FMN1: variants seen among roughly 807,000 people sequenced by gnomAD.
The protein encoded by FMN1 is formin 1.
A neutral mutation model predicts 132.4 loss-of-function variants in FMN1; 110 were observed. That is an observed-to-expected ratio of 0.83 (90% CI 0.71 to 0.97). The LOEUF (loss-of-function observed/expected upper bound fraction) is 0.97. FMN1 is among the 50% of genes least tolerant of loss of function. The pLI, the probability that FMN1 is intolerant of heterozygous loss-of-function variation, is 0.00. For missense variants in FMN1, 1,792 were observed against 1,705.3 expected, an observed-to-expected ratio of 1.05 and a Z score of -0.90; for synonymous variants, 722 against 651.7, an observed-to-expected ratio of 1.11 and a Z score of -1.64.
chr15:33,014,447 A>G (rs1182434056), intron 6 of FMN1, among the ~76,000 whole-genome samples: 1 of 152,216 alleles, frequency 6.6e-6, no homozygotes, highest in African/African-American at 2.4e-5. Flanking sequence ...AGGAACAGGA[A>G]TTCTACATCA....
chr15:33,024,151 A>G (rs2035554195), intron 6 of FMN1, among the ~76,000 whole-genome samples: 1 of 151,924 alleles, frequency 6.6e-6, no homozygotes, highest in South Asian at 2.1e-4. Context: ...AACATACAAA[A>G]AGACACAATC....
chr15:33,074,063 T>A (rs977322139), intron 5 of FMN1, among the ~76,000 whole-genome samples: 2 of 152,100 alleles, frequency 1.3e-5, no homozygotes, highest in Admixed American at 6.5e-5. Context: ...GATGAAGGCA[T>A]TTGAGGTCAA....
intron 4 of FMN1, among the ~76,000 whole-genome samples, chr15:33,120,717 T>C (rs547954926): frequency 2.0e-5 from 3 of 152,226 alleles, no homozygotes; most frequent in South Asian, 2.1e-4. Flanking sequence ...ATACCCATTT[T>C]ACAGACATAT....
chr15:32,811,930 T>G (rs1219803933), intron 17 of FMN1, among the ~76,000 whole-genome samples: 1 of 152,192 alleles, frequency 6.6e-6, no homozygotes, highest in Non-Finnish European at 1.5e-5. Context: ...ATTACAAGCA[T>G]GAGCCACCAC....
chr15:32,875,902 C>A (rs2059625653), intron 16 of FMN1, among the ~76,000 whole-genome samples: 1 of 152,202 alleles, frequency 6.6e-6, no homozygotes, highest in Non-Finnish European at 1.5e-5. Context: ...CAGTCAAGGA[C>A]CTGAGTTCTG....
chr15:33,172,875 AG>A (rs1251306096), intron 3 of FMN1, among the ~76,000 whole-genome samples: 1 of 152,260 alleles, frequency 6.6e-6, no homozygotes, highest in Non-Finnish European at 1.5e-5. Flanking sequence ...GTAATGTTGC[AG>A]AAAATATGAA....
At chr15:32,947,604 A>C (rs1370466734) in intron 9 of FMN1, among the ~76,000 whole-genome samples, 2 of 152,038 alleles carry the variant, frequency 1.3e-5, no homozygotes, top group African/African-American at 4.8e-5. Context: ...ATTTGGGAAA[A>C]ATTAACATCT....
rs116359038 is a variant in FMN1 at position 33,111,787 on chromosome 15, G to C, written c.1868-22813C>G. On this transcript the variant is annotated intron_variant, in intron 4 of 20. Coordinates refer to ENST00000616417, the MANE Select transcript of FMN1 (RefSeq NM_001277313.2). ...CTCAGTGATAACTTGGGCTGGACGG[G>C]GTTGTGGGAAAATGGTGAGTGACTT... Among the ~76,000 whole-genome samples, 1,462 of 152,256 alleles carry C rather than the reference G, an allele frequency of 9.6e-3. 9 individuals carry two copies. The highest frequency in any genetic ancestry group is 0.026 in the African/African-American group (1,078 of 41,554).
chr15:32,877,282 G>T (rs1166655305), intron 16 of FMN1, among the ~76,000 whole-genome samples: 1 of 135,394 alleles, frequency 7.4e-6, no homozygotes, highest in Non-Finnish European at 1.5e-5. Flanking sequence ...ACAATATTCT[G>T]TCTCAGGAAA....
chr15:33,123,617 G>C (rs1394488690), intron 4 of FMN1, among the ~76,000 whole-genome samples: 1 of 152,116 alleles, frequency 6.6e-6, no homozygotes, highest in Non-Finnish European at 1.5e-5. Context: ...TATATAGTGA[G>C]GGTTGTTGAT....
intron 18 of FMN1, among the ~76,000 whole-genome samples, chr15:32,802,302 GTT>G: frequency 6.6e-6 from 1 of 152,324 alleles, no homozygotes; most frequent in South Asian, 2.1e-4. Context: ...GAAGTGAACT[GTT>G]TTACTTTTAC....
At chr15:33,115,870 G>A (rs554602444) in intron 4 of FMN1, among the ~76,000 whole-genome samples, 3 of 152,154 alleles carry the variant, frequency 2.0e-5, no homozygotes, top group East Asian at 3.9e-4. Context: ...TCCAATGAGA[G>A]GAATTCTCCA....
Position 33,130,312 on chromosome 15 carries a change from G to A in FMN1, c.1867+22736C>T, listed in dbSNP as rs1963484952. Among the ~76,000 whole-genome samples, 2 of 152,134 alleles carry A rather than the reference G, an allele frequency of 1.3e-5. 1 individual carries two copies. The highest frequency in any genetic ancestry group is 4.1e-4 in the South Asian group (2 of 4,830). On this transcript the variant is annotated intron_variant, in intron 4 of 20. Transcript: ENST00000616417. ...CAGAACTCAAAATATTGCCCTACAT[G>A]TATATACATAAATATACACACTTCA... is the stretch of plus-strand genomic sequence containing the variant.
intron 5 of FMN1, among the ~76,000 whole-genome samples, chr15:33,078,410 A>AGT (rs1328618895): frequency 6.6e-6 from 1 of 152,180 alleles, no homozygotes; most frequent in East Asian, 1.9e-4. Flanking sequence ...AAATAAAACA[A>AGT]GTATATATAG....
At chr15:33,069,980 G>A (rs1394662497) in intron 5 of FMN1, among the ~76,000 whole-genome samples, 1 of 128,988 alleles carries the variant, frequency 7.8e-6, no homozygotes, top group East Asian at 2.7e-4. Context: ...CAGATCATAA[G>A]ATCAGTCTTT....
chr15:33,106,565 A>AGTGT (rs2039496007), intron 4 of FMN1, among the ~76,000 whole-genome samples: 1 of 151,784 alleles, frequency 6.6e-6, no homozygotes, highest in Non-Finnish European at 1.5e-5. Flanking sequence ...CCTTTTCAGA[A>AGTGT]AACACTCTTT....
At chr15:33,158,489 C>T (rs1964765306) in intron 3 of FMN1, among the ~76,000 whole-genome samples, 1 of 151,150 alleles carries the variant, frequency 6.6e-6, no homozygotes, top group South Asian at 2.1e-4. Flanking sequence ...CACCCAGAAA[C>T]TTCCATACAG....
At chr15:33,009,250 C>T (rs2034578934) in intron 6 of FMN1, among the ~76,000 whole-genome samples, 1 of 152,168 alleles carries the variant, frequency 6.6e-6, no homozygotes, top group East Asian at 1.9e-4. Context: ...CCACCATCTC[C>T]ACTAGATTAA....
chr15:32,834,014 C>A (rs2058566624), intron 17 of FMN1, among the ~76,000 whole-genome samples: 1 of 152,166 alleles, frequency 6.6e-6, no homozygotes, highest in South Asian at 2.1e-4. Context: ...CCCTTCTCAT[C>A]ATTTTTTCTG....
Sources: gnomAD v4.1 joint callset for allele counts (sites outside exome capture counted in the v4.1 genomes callset) on GRCh38, gnomAD v4.1.1 for gene constraint, MANE v1.5 for transcripts, NCBI Gene and HGNC (gene_info 2026-07-23, HGNC 2026-07-21) for gene names.